The following RABGAP1 variants were observed in gnomAD, a reference collection of about 807,000 sequenced individuals.
The protein encoded by RABGAP1 is rab GTPase-activating protein 1.
RABGAP1 carries 23 observed loss-of-function variants against 137.6 expected under a neutral mutation model. The observed-to-expected ratio is 0.17, with a 90% CI of 0.12 to 0.24. The LOEUF (loss-of-function observed/expected upper bound fraction) is 0.24, where lower values mean the gene tolerates loss of function less well. Among genes scored for constraint, RABGAP1 ranks in the 10% least tolerant of loss-of-function variants. RABGAP1 has a pLI of 1.00. For missense variants in RABGAP1, 906 were observed against 1,275.8 expected (o/e 0.71, Z 4.42); for synonymous variants, 451 against 450.7 (o/e 1.00, Z -0.01).
At chr9:123,080,381 G>T (rs1298787457) in intron 19 of RABGAP1, among the ~76,000 whole-genome samples, 1 of 152,120 alleles carries the variant, frequency 6.6e-6, no homozygotes, top group Non-Finnish European at 1.5e-5. Flanking sequence ...TCTTGAAATC[G>T]GCTCATAGCC....
chr9:122,938,641 A>ATATT (rs1833428894), upstream of RABGAP1: 12 of 152,218 alleles, frequency 7.9e-5, no homozygotes, highest in Non-Finnish European at 1.5e-5. Flanking sequence ...TAACTCTGTA[A>ATATT]GATACAATAA....
At chr9:122,973,000 G>C (rs546084471) in intron 2 of RABGAP1, among the ~76,000 whole-genome samples, 79 of 150,336 alleles carry the variant, frequency 5.3e-4, no homozygotes, top group African/African-American at 1.9e-3. Flanking sequence ...ATACATAGAG[G>C]TATATTTCTT....
intron 2 of RABGAP1, among the ~76,000 whole-genome samples, chr9:122,959,991 G>T (rs1203787720): frequency 6.6e-6 from 1 of 152,198 alleles, no homozygotes; most frequent in Non-Finnish European, 1.5e-5. Flanking sequence ...AGAAAAGTTG[G>T]CCTTAAAGCA....
chr9:123,002,182 T>A (rs1348396984), intron 10 of RABGAP1, among the ~76,000 whole-genome samples: 6 of 151,800 alleles, frequency 4.0e-5, no homozygotes, highest in Admixed American at 3.9e-4. Flanking sequence ...ATGCCTGTAA[T>A]CCCAGCTACT....
chr9:122,993,366 G>A (rs1184931853), intron 6 of RABGAP1, among the ~76,000 whole-genome samples: 1 of 152,014 alleles, frequency 6.6e-6, no homozygotes, highest in African/African-American at 2.4e-5. Flanking sequence ...CCTTCTCCCG[G>A]GTTCAAGTGA....
intron 21 of RABGAP1, among the ~76,000 whole-genome samples, chr9:123,094,683 C>T (rs954173924): frequency 1.3e-5 from 2 of 151,978 alleles, no homozygotes; most frequent in African/African-American, 4.8e-5. Flanking sequence ...GAAGTGTTCC[C>T]TCTTGTTTTC....
At chr9:123,090,487 T>C (rs2035002400) in intron 21 of RABGAP1, 102 bp downstream of exon 21, 3 of 911,956 alleles carry the variant, frequency 3.3e-6, no homozygotes, top group African/African-American at 1.7e-5. Flanking sequence ...TAGCCACCTG[T>C]AAAGTTTCCC....
chr9:123,055,355 TTTTTTTGTG>T (rs1314414131), intron 13 of RABGAP1, among the ~76,000 whole-genome samples: 2 of 151,854 alleles, frequency 1.3e-5, no homozygotes, highest in African/African-American at 4.8e-5. Context: ...GCCTAGTTAA[TTTTTTTGTG>T]TTTTTTGTTT....
At chr9:123,039,463 C>A (rs1234519007) in intron 13 of RABGAP1, among the ~76,000 whole-genome samples, 1 of 152,134 alleles carries the variant, frequency 6.6e-6, no homozygotes, top group Admixed American at 6.6e-5. Context: ...TGTAGTCACA[C>A]CAGCCTTCTC....
chr9:123,100,382 GAT>G (rs1491189705), intron 24 of RABGAP1, among the ~76,000 whole-genome samples: 57 of 130,362 alleles, frequency 4.4e-4, no homozygotes, highest in Middle Eastern at 3.7e-3. Context: ...TGTTTAACCA[GAT>G]GTGTGTGTGT....
At chr9:123,039,404 A>T (rs1400487719) in intron 13 of RABGAP1, among the ~76,000 whole-genome samples, 1 of 152,144 alleles carries the variant, frequency 6.6e-6, no homozygotes, top group Non-Finnish European at 1.5e-5. Flanking sequence ...TCAGAGCAGA[A>T]GTTTTAGTAA....
At chr9:122,997,483 G>T in intron 9 of RABGAP1, 122 bp downstream of exon 9, 1 of 573,354 alleles carries the variant, frequency 1.7e-6, no homozygotes, top group Non-Finnish European at 2.9e-6. Context: ...CGAAGAATTT[G>T]AATAGTTCTT....
intron 2 of RABGAP1, among the ~76,000 whole-genome samples, chr9:122,967,715 C>T (rs1205226816): frequency 2.0e-5 from 3 of 146,468 alleles, no homozygotes; most frequent in East Asian, 2.0e-4. Context: ...ACTTTTTTTG[C>T]TGTCTCATAT....
At chr9:122,997,057 C>G (rs1837058986) in intron 8 of RABGAP1, 3 of 582,608 alleles carry the variant, frequency 5.1e-6, no homozygotes, top group Non-Finnish European at 6.2e-6. Context: ...ATTTGATATT[C>G]GTAAGCATAT....
chr9:123,065,538 A>G (rs755566652), intron 14 of RABGAP1, 77 bp downstream of exon 14: 2 of 1,074,200 alleles, frequency 1.9e-6, no homozygotes, highest in Non-Finnish European at 2.9e-6. Context: ...AAACAACTAC[A>G]AAGTGTAATT....
At chr9:123,077,136 T>C (rs1769751328) in intron 19 of RABGAP1, 1 of 151,360 alleles carries the variant, frequency 6.6e-6, no homozygotes, top group Admixed American at 6.6e-5. Context: ...TTTCATGATT[T>C]CTTCTACTGT....
At chr9:123,028,278 G>T (rs779535650) in intron 13 of RABGAP1, among the ~76,000 whole-genome samples, 5 of 152,152 alleles carry the variant, frequency 3.3e-5, no homozygotes, top group Non-Finnish European at 5.9e-5. Context: ...TGCCTACCCT[G>T]TGCCAACCCT....
At chr9:122,983,915 AT>A (rs1836225468) in intron 2 of RABGAP1, among the ~76,000 whole-genome samples, 1 of 152,134 alleles carries the variant, frequency 6.6e-6, no homozygotes, top group Non-Finnish European at 1.5e-5. Context: ...TCTCAGGACT[AT>A]TTTGTACATT....
chr9:123,074,245 G>A, intron 16 of RABGAP1, 40 bp from the exon 17 acceptor site: 1 of 1,610,356 alleles, frequency 6.2e-7, no homozygotes, highest in East Asian at 2.2e-5. Context: ...GAATTGGACA[G>A]ATGCATATGT....
Sources: gnomAD v4.1 joint callset for allele counts (sites outside exome capture counted in the v4.1 genomes callset) on GRCh38, gnomAD v4.1.1 for gene constraint, MANE v1.5 for transcripts, NCBI Gene and HGNC (gene_info 2026-07-23, HGNC 2026-07-21) for gene names.